The following PDP2 variants were observed in gnomAD, a reference collection of about 807,000 sequenced individuals.
The protein encoded by PDP2 is pyruvate dehydrogenase phosphatase catalytic subunit 2, also known as [Pyruvate dehydrogenase [acetyl-transferring]]-phosphatase 2, mitochondrial.
Under a neutral mutation model 34.2 loss-of-function variants are expected in PDP2, and 23 were observed. The observed-to-expected ratio is 0.67, with a 90% CI of 0.48 to 0.95. The LOEUF is 0.95. Ranked by LOEUF, PDP2 falls within the 40% of genes least tolerant of loss-of-function variation. The pLI is 0.00. For missense variants in PDP2, 571 were observed against 659.6 expected, an observed-to-expected ratio of 0.87 and a Z score of 1.47; for synonymous variants, 275 against 269.2, an observed-to-expected ratio of 1.02 and a Z score of -0.21.
chr16:66,885,275 A>G lies in PDP2; in HGVS notation c.991A>G (p.Thr331Ala), dbSNP rs1169795641. Residue 331 changes from threonine (T) to alanine (A), a missense_variant, in exon 2 of 2, where the codon ACG becomes GCG. By Grantham distance (58) the Thr-to-Ala change is moderately conservative. Transcript: ENST00000311765. This position sits in a 1 kb window ranked among gnomAD's most constrained non-coding sequence, Gnocchi z 4.6. ...GGAGCACCCTGAGTCAGAGGACAGG[A>G]CGATCATCATGGAGGACAGGCTACT... ...KREHPESEDR[T>A]IIMEDRLLGV... The G allele has an allele frequency of 2.5e-6, 4 of 1,614,044 alleles. No homozygotes were observed.
rs963585123 is a variant in PDP2 at position 66,888,333 on chromosome 16, G to A, written c.*2459G>A. On this transcript the variant is annotated 3_prime_UTR_variant, in exon 2 of 2. Transcript: ENST00000311765. ...CCACCTCGGCCTCCCAAGGTGCTGG[G>A]ATGATAGGCATGAGCCACCGCACCC... 2 of 152,130 alleles carry A rather than the reference G, an allele frequency of 1.3e-5. No individual in the cohort carries two copies. The highest frequency in any genetic ancestry group is 4.8e-5 in the African/African-American group (2 of 41,418). 9.4% of individuals were successfully genotyped at this position (152,130 alleles called of 1,614,324 possible).
chr16:66,881,198 G>C (rs374266802), intron 1 of PDP2, among the ~76,000 whole-genome samples: 21 of 152,248 alleles, frequency 1.4e-4, no homozygotes, highest in African/African-American at 4.8e-4. Flanking sequence ...ACCCTGCACC[G>C]CTGCCTGCCT....
chr16:66,885,670 G>T lies in PDP2; in HGVS notation c.1386G>T (p.Gly462=), dbSNP rs1423445974. Residue 462 remains glycine, a synonymous_variant, in exon 2 of 2, where the codon GGG becomes GGT. Coordinates refer to ENST00000311765, the MANE Select transcript of PDP2 (RefSeq NM_020786.4). This position sits in a 1 kb window ranked among gnomAD's most constrained non-coding sequence, Gnocchi z 4.6. ...TGCTGCTGCAGAGGAAAGCCAGCGG[G>T]CTCCACGAGGCTGACCAAAATGCAG... ...QSLLLQRKAS[G]LHEADQNAAT... is the part of the protein sequence containing the mutation. The T allele has an allele frequency of 6.2e-7, 1 of 1,614,068 alleles. No individual in the cohort carries two copies.
Position 66,891,097 on chromosome 16 carries a change from CAA to C in PDP2, c.*5226_*5227del, listed in dbSNP as rs1273114728. On this transcript the variant is annotated 3_prime_UTR_variant, in exon 2 of 2. Coordinates refer to ENST00000311765, the MANE Select transcript of PDP2 (RefSeq NM_020786.4). ...AATTAAAACTTGGAAATGAAAGAAA[CAA>C]AATGAAATTTAGTTTCTTTTGGTTT... 6.6e-6 allele frequency: 1 copy of C among 152,082 alleles called. No individual in the cohort carries two copies. Among genetic ancestry groups the C allele is most frequent in the African/African-American group, 2.4e-5 (1 of 41,412 alleles). The allele number at this position is 152,082 out of a possible 1,614,324, so 9.4% of individuals were successfully genotyped here. A position where few individuals can be genotyped will look rare whatever the true frequency, so the allele number is the denominator to read the frequency against.
chr16:66,883,652 T>G (rs1208110158), intron 1 of PDP2, among the ~76,000 whole-genome samples: 4 of 150,884 alleles, frequency 2.7e-5, no homozygotes, highest in Non-Finnish European at 4.4e-5. Flanking sequence ...TTCACCATGT[T>G]GCCCAGGCTA....
In PDP2 at chr16:66,884,716, T is replaced by C. The variant is rs1351489552; in HGVS notation, c.432T>C (p.Gly144=). The change falls in exon 2 of 2, where the codon GGT becomes GGC. Residue 144 remains glycine, a synonymous_variant. Coordinates refer to ENST00000311765, the MANE Select transcript of PDP2 (RefSeq NM_020786.4). ...GLMFGIFDGH[G]GHACAQAVSE... ...TGTTTGGCATCTTCGATGGACATGG[T>C]GGTCATGCATGTGCCCAAGCAGTGA... 6.2e-7 allele frequency: 1 copy of C among 1,614,176 alleles called. No individual in the cohort carries two copies.
intron 1 of PDP2, 63 bp from the exon 2 acceptor site, chr16:66,884,168 C>T (rs1357174499): frequency 2.9e-5 from 26 of 909,932 alleles, no homozygotes; most frequent in African/African-American, 9.9e-5. Context: ...AGCGAGACTA[C>T]GTCTCAAAAA....
rs957308485 is a variant in PDP2, at chr16:66,885,739, G to C, written c.1455G>C (p.Gly485=). Residue 485 remains glycine (G), a synonymous_variant, in exon 2 of 2, where the codon GGG becomes GGC. Transcript: ENST00000311765. This position sits in a 1 kb window ranked among gnomAD's most constrained non-coding sequence, Gnocchi z 4.6. ...IRHAIGNNEY[G]EMEAERLAAM... Reference sequence around the variant, plus strand: ...ATGCCATCGGGAACAATGAGTATGGGGAGATGGAGGCAGAGCGGCTGGCGG... The same window carrying C: ...ATGCCATCGGGAACAATGAGTATGGCGAGATGGAGGCAGAGCGGCTGGCGG... 1 of 1,614,006 alleles carries C rather than the reference G, an allele frequency of 6.2e-7. No individual in the cohort carries two copies. Among genetic ancestry groups the C allele is most frequent in the African/African-American group, 1.3e-5 (1 of 75,060 alleles).
rs1350890967 is a variant in PDP2, at chr16:66,888,989, T to G, written c.*3115T>G. 1 of 152,268 alleles carries G rather than the reference T, an allele frequency of 6.6e-6. No individual in the cohort carries two copies. Among genetic ancestry groups the G allele is most frequent in the African/African-American group, 2.4e-5 (1 of 41,478 alleles). 9.4% of individuals were successfully genotyped at this position (152,268 alleles called of 1,614,324 possible). A position where few individuals can be genotyped will look rare whatever the true frequency, so the allele number is the denominator to read the frequency against. ...TCATCTGTTCTTTCCATGAACATTC[T>G]GGGGAGCACCTCCTGATTAAACTCC... is the stretch of plus-strand genomic sequence containing the variant. On this transcript the variant is annotated 3_prime_UTR_variant, in exon 2 of 2. Coordinates refer to ENST00000311765, the MANE Select transcript of PDP2 (RefSeq NM_020786.4).
At chr16:66,882,306 C>A (rs905187756) in intron 1 of PDP2, among the ~76,000 whole-genome samples, 3 of 152,130 alleles carry the variant, frequency 2.0e-5, no homozygotes, top group African/African-American at 7.2e-5. Flanking sequence ...CCTGGCGGCA[C>A]ATGCCTGTAG....
Position 66,884,792 on chromosome 16 carries a change from C to T in PDP2, c.508C>T (p.Leu170=), listed in dbSNP as rs141195654. 70 of 1,614,172 alleles carry T rather than the reference C, an allele frequency of 4.3e-5. No homozygotes were observed. The African/African-American group carries it at 8.3e-4, about 19-fold the overall frequency. ...VAVSLMSHQT[L]EHMEGAMESM... is the part of the protein sequence containing the mutation. ...AGTGTCCCTGATGTCCCACCAGACC[C>T]TGGAGCACATGGAGGGAGCTATGGA... The change falls in exon 2 of 2, where the codon CTG becomes TTG. Residue 170 remains leucine, a synonymous_variant. Transcript: ENST00000311765.
chr16:66,889,071 G>A lies in PDP2; in HGVS notation c.*3197G>A, dbSNP rs1961900911. On this transcript the variant is annotated 3_prime_UTR_variant, in exon 2 of 2. Transcript: ENST00000311765. ...GACTTCTTGAAGCACATGGGCTACT[G>A]CCCCAGGACACTGGGATTTGAGAGG... 6.6e-6 allele frequency: 1 copy of A among 152,192 alleles called. No homozygotes were observed. Among genetic ancestry groups the A allele is most frequent in the Admixed American group, 6.5e-5 (1 of 15,284 alleles). 9.4% of individuals were successfully genotyped at this position (152,192 alleles called of 1,614,324 possible). A position where few individuals can be genotyped will look rare whatever the true frequency, so the allele number is the denominator to read the frequency against.
intron 1 of PDP2, among the ~76,000 whole-genome samples, chr16:66,882,336 T>G (rs367711414): frequency 9.9e-5 from 15 of 152,182 alleles, no homozygotes; most frequent in Middle Eastern, 3.4e-3. Flanking sequence ...TGTAGGAGGC[T>G]GAGGCAGGAG....
In PDP2 at chr16:66,885,215, G is replaced by A. The variant is rs937914034; in HGVS notation, c.931G>A (p.Ala311Thr). Residue 311 changes from alanine (A) to threonine (T), a missense_variant, in exon 2 of 2, where the codon GCC (alanine) becomes ACC (threonine). Physicochemically the swap from Ala to Thr is moderately conservative, Grantham distance 58 (BLOSUM62 0). This residue lies in a region of PDP2 where 281 missense variants were observed against 375.8 expected (regional missense o/e 0.75). Transcript: ENST00000311765. The surrounding 1 kb of genome is among the most constrained non-coding windows in gnomAD (Gnocchi z 4.6). Reference protein sequence around the residue: ...SCLPLTRDHNAWNQAELSRLK... With the variant: ...SCLPLTRDHNTWNQAELSRLK... ...TCTGCCCCTTACACGTGACCACAAT[G>A]CCTGGAACCAGGCCGAGCTGTCCCG... is the stretch of plus-strand genomic sequence containing the variant. The A allele has an allele frequency of 6.2e-7, 1 of 1,614,080 alleles. No individual in the cohort carries two copies. Among genetic ancestry groups the A allele is most frequent in the Non-Finnish European group, 8.5e-7 (1 of 1,180,042 alleles).
chr16:66,884,840 A>G lies in PDP2; in HGVS notation c.556A>G (p.Ile186Val). 6.2e-7 allele frequency: 1 copy of G among 1,614,060 alleles called. No individual in the cohort carries two copies. Among genetic ancestry groups the G allele is most frequent in the Non-Finnish European group, 8.5e-7 (1 of 1,179,980 alleles). Residue 186 changes from isoleucine (I) to valine (V), a missense_variant, in exon 2 of 2, where the codon ATC becomes GTC. By Grantham distance (29) the Ile-to-Val change is conservative. This residue lies in a region of PDP2 where 290 missense variants were observed against 283.8 expected (regional missense o/e 1.02). Transcript: ENST00000311765. The stretch of plus-strand genomic sequence containing the variant: ...GGAAAGCATGAAACCCTTGCTGCCC[A>G]TCCTGCATTGGCTCAAGCACCCAGG... ...AMESMKPLLP[I>V]LHWLKHPGDS...
chr16:66,885,022 C>A lies in PDP2; in HGVS notation c.738C>A (p.Ile246=). The stretch of plus-strand genomic sequence containing the variant: ...TGGATTCTGACATCTCGCTGGAAAT[C>A]CAGGCCCCCCTGGAAGATGAGGTGA... ...QRLDSDISLE[I]QAPLEDEVTR... is the part of the protein sequence containing the mutation. Residue 246 remains isoleucine, a synonymous_variant, in exon 2 of 2, where the codon ATC becomes ATA. Transcript: ENST00000311765. This position sits in a 1 kb window ranked among gnomAD's most constrained non-coding sequence, Gnocchi z 4.6. 6.2e-7 allele frequency: 1 copy of A among 1,613,584 alleles called. No homozygotes were observed. The highest frequency in any genetic ancestry group is 8.5e-7 in the Non-Finnish European group (1 of 1,179,812).
rs1480788743 is a variant in PDP2, at chr16:66,885,852, G to A, written c.1568G>A (p.Gly523Asp). The change falls in exon 2 of 2, where the codon GGT becomes GAT. Residue 523 changes from glycine to aspartate, a missense_variant. Coordinates refer to ENST00000311765, the MANE Select transcript of PDP2 (RefSeq NM_020786.4). This position sits in a 1 kb window ranked among gnomAD's most constrained non-coding sequence, Gnocchi z 4.6. ...GTGTATTTTAACTCAGAATCAATCG[G>A]TGCATATTACAAGGGGGGTTAAGAA... Reference protein sequence around the residue: ...TVVYFNSESIGAYYKGG With the variant: ...TVVYFNSESIDAYYKGG 3 of 1,605,496 alleles carry A rather than the reference G, an allele frequency of 1.9e-6. No homozygotes were observed. In the Admixed American group the frequency reaches 5.0e-5, roughly 27 times the overall value.
At chr16:66,882,516 A>C (rs1961569196) in intron 1 of PDP2, among the ~76,000 whole-genome samples, 1 of 146,420 alleles carries the variant, frequency 6.8e-6, no homozygotes, top group Admixed American at 6.6e-5. Flanking sequence ...GATGAAAATA[A>C]TAGCTACTTT....
chr16:66,885,242 C>A lies in PDP2; in HGVS notation c.958C>A (p.Leu320Ile). ...CTGGAACCAGGCCGAGCTGTCCCGG[C>A]TAAAGAGGGAGCACCCTGAGTCAGA... ...NAWNQAELSR[L>I]KREHPESEDR... Residue 320 changes from leucine (L) to isoleucine (I), a missense_variant, in exon 2 of 2, where the codon CTA becomes ATA. Physicochemically the swap from Leu to Ile is conservative, Grantham distance 5 (BLOSUM62 2). This residue lies in a region of PDP2 where 281 missense variants were observed against 375.8 expected (regional missense o/e 0.75). Coordinates refer to ENST00000311765, the MANE Select transcript of PDP2 (RefSeq NM_020786.4). This position sits in a 1 kb window ranked among gnomAD's most constrained non-coding sequence, Gnocchi z 4.6. The A allele has an allele frequency of 6.2e-7, 1 of 1,614,150 alleles. No homozygotes were observed. Among genetic ancestry groups the A allele is most frequent in the Non-Finnish European group, 8.5e-7 (1 of 1,180,046 alleles).
Sources: allele counts gnomAD v4.1 joint callset (sites outside exome capture counted in the v4.1 genomes callset), GRCh38; gene constraint gnomAD v4.1.1; regional missense constraint gnomAD v4.1.1; non-coding constraint Gnocchi (gnomAD v3.1); transcripts MANE v1.5; gene names NCBI Gene and HGNC (gene_info 2026-07-23, HGNC 2026-07-21).